FBXL17: variants seen among roughly 807,000 people sequenced by gnomAD.
FBXL17 encodes F-box and leucine rich repeat protein 17, also known as F-box/LRR-repeat protein 17.
Under a neutral mutation model 66.2 loss-of-function variants are expected in FBXL17, and 22 were observed. The ratio of observed to expected loss-of-function variants is 0.33; its 90% CI spans 0.24 to 0.47. FBXL17 has a LOEUF of 0.47. Ranked by LOEUF, FBXL17 falls within the 20% of genes least tolerant of loss-of-function variation. The pLI, the probability that FBXL17 is intolerant of heterozygous loss-of-function variation, is 1.00. For missense variants in FBXL17, 878 were observed against 948.2 expected (o/e 0.93, Z 0.97); for synonymous variants, 474 against 400.5 (o/e 1.18, Z -2.19).
intron 6 of FBXL17, among the ~76,000 whole-genome samples, chr5:108,170,648 C>T (rs1268108651): frequency 6.6e-6 from 1 of 152,048 alleles, no homozygotes; most frequent in Non-Finnish European, 1.5e-5. Context: ...ATTCTCCTGC[C>T]TCAGCTTCCC....
chr5:108,098,746 T>TAA (rs10649679), intron 6 of FBXL17, among the ~76,000 whole-genome samples: 3,942 of 118,432 alleles, frequency 0.033, 143 homozygotes, highest in African/African-American at 0.069. Flanking sequence ...CTCTGTCTCA[T>TAA]AAAAAAAAAA....
chr5:107,876,885 T>C (rs771613973), intron 8 of FBXL17, among the ~76,000 whole-genome samples: 1 of 152,206 alleles, frequency 6.6e-6, no homozygotes, highest in Non-Finnish European at 1.5e-5. Flanking sequence ...AGAGGGAACA[T>C]ACTGCTCTTA....
At chr5:107,918,844 C>T (rs1750218886) in intron 7 of FBXL17, among the ~76,000 whole-genome samples, 1 of 152,142 alleles carries the variant, frequency 6.6e-6, no homozygotes, top group Admixed American at 6.5e-5. Context: ...GTAACTACAC[C>T]ACCAGCTTTT....
chr5:107,874,699 A>G (rs1345500221), intron 8 of FBXL17, among the ~76,000 whole-genome samples: 1 of 152,218 alleles, frequency 6.6e-6, no homozygotes, highest in African/African-American at 2.4e-5. Context: ...TTAGAAGTTC[A>G]GGTGAACAGG....
At chr5:108,178,490 G>A (rs561076621) in intron 6 of FBXL17, among the ~76,000 whole-genome samples, 156 of 152,178 alleles carry the variant, frequency 1.0e-3, no homozygotes, top group South Asian at 1.7e-3. Flanking sequence ...TCAAACTAAC[G>A]TCACTAGTTT....
intron 3 of FBXL17, among the ~76,000 whole-genome samples, chr5:108,357,327 G>A (rs1748064087): frequency 6.6e-6 from 1 of 151,996 alleles, no homozygotes; most frequent in South Asian, 2.1e-4. Flanking sequence ...ACAAAAGAGT[G>A]TCAGAATATG....
intron 6 of FBXL17, among the ~76,000 whole-genome samples, chr5:108,090,899 T>G (rs1347430443): frequency 6.7e-6 from 1 of 149,092 alleles, no homozygotes; most frequent in Non-Finnish European, 1.5e-5. Flanking sequence ...CCTGGTTGTA[T>G]TTTATAGGTT....
intron 3 of FBXL17, 45 bp from the exon 4 acceptor site, chr5:108,348,575 GC>G: frequency 3.2e-6 from 5 of 1,572,374 alleles, no homozygotes; most frequent in Non-Finnish European, 4.3e-6. Context: ...AATAACAAAG[GC>G]AACATATTTC....
At chr5:107,925,027 T>A (rs1412910563) in intron 7 of FBXL17, among the ~76,000 whole-genome samples, 1 of 152,218 alleles carries the variant, frequency 6.6e-6, no homozygotes, top group African/African-American at 2.4e-5. Flanking sequence ...ATGTAAAGAT[T>A]TGATTTACTT....
chr5:108,242,846 A>G (rs1274097438), intron 4 of FBXL17, among the ~76,000 whole-genome samples: 1 of 152,174 alleles, frequency 6.6e-6, no homozygotes, highest in Non-Finnish European at 1.5e-5. Flanking sequence ...AAAAATGTTC[A>G]TGTGAAACTT....
intron 6 of FBXL17, among the ~76,000 whole-genome samples, chr5:108,102,513 A>C (rs1399173539): frequency 6.6e-6 from 1 of 152,108 alleles, no homozygotes; most frequent in East Asian, 1.9e-4. Context: ...CCTTATTTAC[A>C]CAATGAAAAT....
At chr5:107,883,613 C>T (rs749996601) in intron 7 of FBXL17, among the ~76,000 whole-genome samples, 3 of 152,134 alleles carry the variant, frequency 2.0e-5, no homozygotes, top group African/African-American at 4.8e-5. Flanking sequence ...AACTGATCAC[C>T]CTAGCATTTA....
chr5:107,950,847 A>G (rs1439761910), intron 7 of FBXL17, among the ~76,000 whole-genome samples: 1 of 152,244 alleles, frequency 6.6e-6, no homozygotes, highest in Non-Finnish European at 1.5e-5. Flanking sequence ...TGTGACAGTT[A>G]TCATGAACAC....
intron 3 of FBXL17, among the ~76,000 whole-genome samples, chr5:108,349,793 G>T (rs1747525736): frequency 6.6e-6 from 1 of 152,106 alleles, no homozygotes; most frequent in African/African-American, 2.4e-5. Context: ...TAATTCAGTG[G>T]TTCTAACTGG....
At chr5:108,011,234 C>T (rs1010253212) in intron 7 of FBXL17, among the ~76,000 whole-genome samples, 5 of 152,058 alleles carry the variant, frequency 3.3e-5, no homozygotes, top group African/African-American at 1.2e-4. Flanking sequence ...AGATCTAGTC[C>T]AACATCAGCT....
At chr5:107,923,667 C>A (rs1280664670) in intron 7 of FBXL17, among the ~76,000 whole-genome samples, 1 of 152,146 alleles carries the variant, frequency 6.6e-6, no homozygotes, top group Non-Finnish European at 1.5e-5. Context: ...CACTTTTAAG[C>A]TAGAAAGGGT....
chr5:107,924,452 G>A (rs574704509), intron 7 of FBXL17, among the ~76,000 whole-genome samples: 2 of 152,128 alleles, frequency 1.3e-5, no homozygotes, highest in Admixed American at 6.5e-5. Flanking sequence ...AGAACTTCAT[G>A]TCAAATTAAT....
At chr5:108,027,632 G>A (rs565756308) in intron 6 of FBXL17, among the ~76,000 whole-genome samples, 81 of 152,092 alleles carry the variant, frequency 5.3e-4, no homozygotes, top group African/African-American at 1.9e-3. Flanking sequence ...AACCTTGATG[G>A]ATCAAATATT....
intron 6 of FBXL17, among the ~76,000 whole-genome samples, chr5:108,181,002 C>T (rs183089875): frequency 6.6e-6 from 1 of 152,090 alleles, no homozygotes; most frequent in Admixed American, 6.5e-5. Flanking sequence ...CTGAAAACAG[C>T]TTTTGTAAAG....
Sources: gnomAD v4.1 joint callset for allele counts (sites outside exome capture counted in the v4.1 genomes callset) on GRCh38, gnomAD v4.1.1 for gene constraint, MANE v1.5 for transcripts, NCBI Gene and HGNC (gene_info 2026-07-23, HGNC 2026-07-21) for gene names.